Variants in ABCA13 observed in about 807,000 individuals in gnomAD.
ABCA13 encodes ATP binding cassette subfamily A member 13.
ABCA13 carries 476 observed loss-of-function variants against 478.7 expected under a neutral mutation model. The observed-to-expected ratio is 0.99, with a 90% CI of 0.92 to 1.07. ABCA13 has a LOEUF of 1.07. Ranked by LOEUF, ABCA13 falls within the 50% of genes least tolerant of loss-of-function variation. ABCA13 has a pLI of 0.00. For missense variants in ABCA13, 6,060 were observed against 5,910.6 expected (o/e 1.03, Z -0.83); for synonymous variants, 2,252 against 2,158.9 (o/e 1.04, Z -1.20).
chr7:48,439,741 G>A (rs960766390), intron 42 of ABCA13, among the ~76,000 whole-genome samples: 2 of 152,102 alleles, frequency 1.3e-5, no homozygotes, highest in African/African-American at 4.8e-5. Flanking sequence ...AAGTAAACTG[G>A]AAGTTTACTT....
At chr7:48,519,778 T>A (rs1832403948) in intron 52 of ABCA13, among the ~76,000 whole-genome samples, 1 of 152,068 alleles carries the variant, frequency 6.6e-6, no homozygotes, top group South Asian at 2.1e-4. Context: ...GTAGAGATCA[T>A]TGTGATTTCC....
At chr7:48,437,500 T>C (rs1823006322) in intron 42 of ABCA13, among the ~76,000 whole-genome samples, 1 of 152,084 alleles carries the variant, frequency 6.6e-6, no homozygotes, top group Non-Finnish European at 1.5e-5. Context: ...TTATATATTA[T>C]TTATATATTG....
chr7:48,268,776 C>T (rs1450970947), intron 15 of ABCA13, among the ~76,000 whole-genome samples: 1 of 150,454 alleles, frequency 6.6e-6, no homozygotes, highest in Non-Finnish European at 1.5e-5. Flanking sequence ...CAGTATATTA[C>T]ATTGCTCGAT....
chr7:48,390,939 A>G (rs1347519432), intron 37 of ABCA13, among the ~76,000 whole-genome samples: 2 of 152,216 alleles, frequency 1.3e-5, no homozygotes, highest in African/African-American at 4.8e-5. Context: ...TTAATTTCTC[A>G]TGTGTAAATA....
At chr7:48,593,181 G>A (rs1468808375) in intron 57 of ABCA13, among the ~76,000 whole-genome samples, 8 of 144,482 alleles carry the variant, frequency 5.5e-5, no homozygotes, top group Non-Finnish European at 1.2e-4. Context: ...CTTTTAATTT[G>A]ATAATTTTTT....
intron 28 of ABCA13, 96 bp downstream of exon 28, chr7:48,335,631 C>A: frequency 1.2e-6 from 1 of 855,744 alleles, no homozygotes; most frequent in Non-Finnish European, 1.8e-6. Context: ...TACAGAGTCA[C>A]ATCAGGCATA....
intron 55 of ABCA13, among the ~76,000 whole-genome samples, chr7:48,564,751 C>G (rs1786854710): frequency 1.3e-5 from 2 of 151,996 alleles, no homozygotes; most frequent in South Asian, 4.1e-4. Flanking sequence ...ACCTCCCTGA[C>G]AATATCTATT....
At chr7:48,230,465 T>C (rs1788884907) in intron 7 of ABCA13, among the ~76,000 whole-genome samples, 2 of 152,208 alleles carry the variant, frequency 1.3e-5, no homozygotes, top group African/African-American at 2.4e-5. Context: ...AATTACCAAC[T>C]GAGTCTGAGC....
intron 47 of ABCA13, 94 bp from the exon 48 acceptor site, chr7:48,489,138 GTTAA>G (rs2130676941): frequency 2.0e-6 from 2 of 986,928 alleles, no homozygotes; most frequent in African/African-American, 3.2e-5. Flanking sequence ...TGCCTTGGAA[GTTAA>G]TTGACACATA....
At chr7:48,307,561 T>G (rs752131717) in intron 23 of ABCA13, among the ~76,000 whole-genome samples, 1 of 152,196 alleles carries the variant, frequency 6.6e-6, no homozygotes, top group Non-Finnish European at 1.5e-5. Flanking sequence ...AGGACATGCC[T>G]GTACACCACT....
At chr7:48,392,950 T>C (rs1816286611) in intron 38 of ABCA13, among the ~76,000 whole-genome samples, 1 of 152,152 alleles carries the variant, frequency 6.6e-6, no homozygotes, top group Non-Finnish European at 1.5e-5. Context: ...CTGAACCCTA[T>C]ATGAAAGTGG....
chr7:48,387,603 G>C (rs961792682), intron 35 of ABCA13, among the ~76,000 whole-genome samples: 2 of 152,108 alleles, frequency 1.3e-5, no homozygotes, highest in African/African-American at 4.8e-5. Context: ...GGCTGAGAGG[G>C]GGTTTTAGCA....
chr7:48,500,498 A>G (rs892350361), intron 48 of ABCA13, among the ~76,000 whole-genome samples: 4 of 152,080 alleles, frequency 2.6e-5, no homozygotes, highest in African/African-American at 7.3e-5. Flanking sequence ...TTTTTGAAAA[A>G]TAAGAGTAAA....
intron 58 of ABCA13, chr7:48,603,690 CT>C (rs1563494495): frequency 1.5e-5 from 3 of 196,024 alleles, no homozygotes; most frequent in Non-Finnish European, 3.1e-5. Flanking sequence ...CTAAAATTTT[CT>C]TTTTTTGTTC....
At chr7:48,598,159 AC>A (rs1279651539) in intron 58 of ABCA13, among the ~76,000 whole-genome samples, 1 of 152,018 alleles carries the variant, frequency 6.6e-6, no homozygotes, top group East Asian at 1.9e-4. Flanking sequence ...CCATAGTTTT[AC>A]CTTTTCCACA....
intron 47 of ABCA13, among the ~76,000 whole-genome samples, chr7:48,488,235 T>C (rs930190984): frequency 6.6e-6 from 1 of 151,210 alleles, no homozygotes; most frequent in African/African-American, 2.4e-5. Flanking sequence ...AGTAGGGTTT[T>C]GTTTTTTTTT....
At chr7:48,283,032 G>A (rs555480800) in intron 19 of ABCA13, among the ~76,000 whole-genome samples, 63 of 152,222 alleles carry the variant, frequency 4.1e-4, no homozygotes, top group Non-Finnish European at 7.8e-4. Flanking sequence ...GCTCAGCAGC[G>A]AGAAGTAGTG....
intron 35 of ABCA13, among the ~76,000 whole-genome samples, chr7:48,378,013 G>A (rs1813769359): frequency 6.6e-6 from 1 of 152,114 alleles, no homozygotes; most frequent in South Asian, 2.1e-4. Flanking sequence ...AGGCTCTTGG[G>A]GCAATATTTT....
At position 48,557,831 on chromosome 7, in the gene ABCA13, A is replaced by C. The variant is rs191513982; in HGVS notation, c.14355-22393A>C. On this transcript the variant is annotated intron_variant, in intron 55 of 61. Transcript: ENST00000435803. ...ATAACCTTCTTGTACTTAAATGTTG[A>C]TATCCTTCTCTCAGTTTGGTAAGTT... Among the ~76,000 whole-genome samples, 282 of 152,186 alleles carry C rather than the reference A, an allele frequency of 1.9e-3. 1 individual carries two copies. Among genetic ancestry groups the C allele is most frequent in the African/African-American group, 6.5e-3 (271 of 41,522 alleles).
Sources: allele counts gnomAD v4.1 joint callset (sites outside exome capture counted in the v4.1 genomes callset), GRCh38; gene constraint gnomAD v4.1.1; transcripts MANE v1.5; gene names NCBI Gene and HGNC (gene_info 2026-07-23, HGNC 2026-07-21).